Variants in RUNX2 observed in about 807,000 individuals in gnomAD.
RUNX2 encodes runt-related transcription factor 2.
RUNX2 carries 10 observed loss-of-function variants against 51.7 expected under a neutral mutation model. That is an observed-to-expected ratio of 0.19 (90% CI 0.12 to 0.33). RUNX2 has a LOEUF of 0.33. RUNX2 is among the 10% of genes least tolerant of loss of function. The pLI is 1.00. For synonymous variants in RUNX2, 276 were observed against 273.6 expected (o/e 1.01, Z -0.09); for missense variants, 562 against 691.3 (o/e 0.81, Z 2.10).
At chr6:45,356,394 ATTTCTTTTTT>A (rs1331814448) in intron 2 of RUNX2, among the ~76,000 whole-genome samples, 1 of 151,664 alleles carries the variant, frequency 6.6e-6, no homozygotes, top group Non-Finnish European at 1.5e-5. Flanking sequence ...ATCAATTCTC[ATTTCTTTTTT>A]TTTCTTTTTT....
At chr6:45,449,228 A>G (rs1799088022) in intron 5 of RUNX2, among the ~76,000 whole-genome samples, 1 of 152,188 alleles carries the variant, frequency 6.6e-6, no homozygotes, top group African/African-American at 2.4e-5. Context: ...CATCTTTCAA[A>G]TGGAAATAGA....
At chr6:45,412,533 T>C (rs1048372928) in intron 2 of RUNX2, among the ~76,000 whole-genome samples, 1 of 152,158 alleles carries the variant, frequency 6.6e-6, no homozygotes, top group African/African-American at 2.4e-5. Flanking sequence ...CATCAAAAAC[T>C]GTAGAAAGAG....
intron 2 of RUNX2, among the ~76,000 whole-genome samples, chr6:45,339,257 A>G (rs1789265808): frequency 6.6e-6 from 1 of 152,134 alleles, no homozygotes; most frequent in Non-Finnish European, 1.5e-5. Flanking sequence ...TGGCTGATCA[A>G]CAGAATTACC....
At chr6:45,520,006 AT>A (rs1801456625) in intron 7 of RUNX2, among the ~76,000 whole-genome samples, 1 of 151,624 alleles carries the variant, frequency 6.6e-6, no homozygotes, top group Non-Finnish European at 1.5e-5. Flanking sequence ...ATTTTTTTGT[AT>A]TTTTAGTAGT....
intron 5 of RUNX2, among the ~76,000 whole-genome samples, chr6:45,487,358 G>A (rs956331918): frequency 1.3e-5 from 2 of 152,046 alleles, no homozygotes; most frequent in Non-Finnish European, 2.9e-5. Flanking sequence ...GGGACTCAGG[G>A]TCCTCATCCA....
At chr6:45,465,296 T>C (rs1799595728) in intron 5 of RUNX2, among the ~76,000 whole-genome samples, 3 of 152,172 alleles carry the variant, frequency 2.0e-5, no homozygotes, top group Admixed American at 2.0e-4. Flanking sequence ...CTAAGGGCAG[T>C]GAAATGGAAA....
At chr6:45,500,969 G>C (rs899958363) in intron 6 of RUNX2, among the ~76,000 whole-genome samples, 5 of 152,240 alleles carry the variant, frequency 3.3e-5, no homozygotes, top group Non-Finnish European at 7.3e-5. Context: ...ATGAGCAGCA[G>C]CTGAGTGGAA....
At chr6:45,404,825 G>A (rs962428009) in intron 2 of RUNX2, among the ~76,000 whole-genome samples, 2 of 152,222 alleles carry the variant, frequency 1.3e-5, no homozygotes, top group Admixed American at 1.3e-4. Flanking sequence ...TTCTGGAAAG[G>A]CAGTGATATA....
intron 2 of RUNX2, among the ~76,000 whole-genome samples, chr6:45,414,495 AG>A (rs1427357940): frequency 6.6e-6 from 1 of 152,210 alleles, no homozygotes; most frequent in African/African-American, 2.4e-5. Context: ...CAAACTTGTA[AG>A]TCCGTCTAGT....
chr6:45,535,285 G>A (rs768535634), intron 7 of RUNX2, among the ~76,000 whole-genome samples: 2 of 152,098 alleles, frequency 1.3e-5, no homozygotes, highest in Non-Finnish European at 2.9e-5. Flanking sequence ...TTGCGCGATT[G>A]TTGCTTCCCC....
At chr6:45,519,226 A>G (rs1801425182) in intron 7 of RUNX2, among the ~76,000 whole-genome samples, 1 of 152,212 alleles carries the variant, frequency 6.6e-6, no homozygotes, top group African/African-American at 2.4e-5. Context: ...ATGTCTTAAA[A>G]TTAATACTTT....
At chr6:45,508,271 C>T (rs372040676) in intron 6 of RUNX2, among the ~76,000 whole-genome samples, 7 of 143,090 alleles carry the variant, frequency 4.9e-5, no homozygotes, top group African/African-American at 1.3e-4. Flanking sequence ...TCTTGTTGCC[C>T]GGGCTGGAGT....
intron 2 of RUNX2, among the ~76,000 whole-genome samples, chr6:45,344,780 G>C (rs1790509716): frequency 6.6e-6 from 1 of 152,042 alleles, no homozygotes; most frequent in Non-Finnish European, 1.5e-5. Context: ...AAATATACTT[G>C]GTGGACCTAA....
In RUNX2 at chr6:45,545,331, G is replaced by T. The variant is rs771787781; in HGVS notation, c.1087+49G>T. ...GCTGGGCAGGGCTGGGCTGGGCTGG[G>T]CTGTCTGGTTGTTACTGTCCGATTT... is the stretch of plus-strand genomic sequence containing the variant. On this transcript the variant is annotated intron_variant, in intron 8 of 8. Coordinates refer to ENST00000647337, the MANE Select transcript of RUNX2 (RefSeq NM_001024630.4). 20 of 1,541,166 alleles carry T rather than the reference G, an allele frequency of 1.3e-5. No homozygotes were observed. The South Asian group carries it at 2.4e-4, about 19-fold the overall frequency.
chr6:45,448,361 C>T (rs1005629069), intron 5 of RUNX2, among the ~76,000 whole-genome samples: 2 of 152,168 alleles, frequency 1.3e-5, no homozygotes, highest in South Asian at 2.1e-4. Context: ...GGTGTCCACA[C>T]GTTTCTGTCA....
chr6:45,545,872 A>G (rs1196919935), intron 8 of RUNX2, among the ~76,000 whole-genome samples: 2 of 152,232 alleles, frequency 1.3e-5, no homozygotes, highest in African/African-American at 4.8e-5. Flanking sequence ...CACCAGAAAC[A>G]TCTATTAAGG....
chr6:45,410,618 G>A (rs1441026959), intron 2 of RUNX2, among the ~76,000 whole-genome samples: 3 of 152,126 alleles, frequency 2.0e-5, no homozygotes, highest in Non-Finnish European at 4.4e-5. Context: ...AATATGGTAG[G>A]GATGGTGTTT....
chr6:45,538,228 T>A (rs913018166), intron 7 of RUNX2, among the ~76,000 whole-genome samples: 7 of 152,226 alleles, frequency 4.6e-5, no homozygotes, highest in African/African-American at 1.7e-4. Flanking sequence ...CTGGCTTTTT[T>A]GAAAGATTTA....
chr6:45,516,975 C>G (rs1801349730), intron 7 of RUNX2, among the ~76,000 whole-genome samples: 1 of 152,086 alleles, frequency 6.6e-6, no homozygotes, highest in Non-Finnish European at 1.5e-5. Context: ...AATAACTCCT[C>G]CACTATCCCA....
Sources: gnomAD v4.1 joint callset for allele counts (sites outside exome capture counted in the v4.1 genomes callset) on GRCh38, gnomAD v4.1.1 for gene constraint, MANE v1.5 for transcripts, NCBI Gene and HGNC (gene_info 2026-07-23, HGNC 2026-07-21) for gene names.